The following NSMCE2 variants were observed in gnomAD, a reference collection of about 807,000 sequenced individuals.
NSMCE2 encodes the protein NSE2 SUMO ligase component of SMC5/6 complex.
Under a neutral mutation model 23.8 loss-of-function variants are expected in NSMCE2, and 24 were observed. The ratio of observed to expected loss-of-function variants is 1.01; its 90% CI spans 0.73 to 1.42. NSMCE2 has a LOEUF of 1.42. Among genes scored for constraint, NSMCE2 ranks in the 40% most tolerant of loss-of-function variants. The pLI, the probability that NSMCE2 is intolerant of heterozygous loss-of-function variation, is 0.00. For synonymous variants in NSMCE2, 92 were observed against 94.1 expected, an observed-to-expected ratio of 0.98 and a Z score of 0.13; for missense variants, 284 against 296.5, an observed-to-expected ratio of 0.96 and a Z score of 0.31.
In NSMCE2 at chr8:125,340,011, TG is replaced by T. The variant is rs1303699719; in HGVS notation, c.419-17207del. Reference sequence around the variant, plus strand: ...AGCCTCCGACGTTGTAGTTTTTTTTTGTTTTTTTTTTTTTTTTTTTTGAGAC... The same window carrying T: ...AGCCTCCGACGTTGTAGTTTTTTTTTTTTTTTTTTTTTTTTTTTTTGAGAC... On this transcript the variant is annotated intron_variant, in intron 5 of 7. Coordinates refer to ENST00000287437, the MANE Select transcript of NSMCE2 (RefSeq NM_173685.4). Among the ~76,000 whole-genome samples the T allele has an allele frequency of 3.4e-4, 39 of 114,332 alleles. 1 individual carries two copies. The highest frequency in any genetic ancestry group is 1.3e-3 in the South Asian group (5 of 3,752). 75.0% of individuals were successfully genotyped at this position (114,332 alleles called of 152,430 possible). A position where few individuals can be genotyped will look rare whatever the true frequency, so the allele number is the denominator to read the frequency against.
chr8:125,134,257 T>G (rs1468447288), intron 3 of NSMCE2, among the ~76,000 whole-genome samples: 2 of 152,234 alleles, frequency 1.3e-5, no homozygotes, highest in African/African-American at 2.4e-5. Flanking sequence ...TGAGTCATTA[T>G]GATGAGATTT....
chr8:125,198,029 A>G (rs771038989), intron 5 of NSMCE2, among the ~76,000 whole-genome samples: 13 of 152,160 alleles, frequency 8.5e-5, no homozygotes, highest in Non-Finnish European at 1.6e-4. Flanking sequence ...ATTTTTGCAC[A>G]TTGATTTTGT....
chr8:125,299,992 T>G (rs1176659952), intron 5 of NSMCE2, among the ~76,000 whole-genome samples: 2 of 151,612 alleles, frequency 1.3e-5, no homozygotes, highest in African/African-American at 4.8e-5. Flanking sequence ...CTAATTTTTG[T>G]ATTTTTAGTA....
At chr8:125,359,468 G>C (rs1813435018) in intron 7 of NSMCE2, among the ~76,000 whole-genome samples, 1 of 151,386 alleles carries the variant, frequency 6.6e-6, no homozygotes, top group Non-Finnish European at 1.5e-5. Flanking sequence ...TGAATAGCTG[G>C]TATTACAGGC....
chr8:125,246,971 T>G (rs1826003391), intron 5 of NSMCE2, among the ~76,000 whole-genome samples: 1 of 152,120 alleles, frequency 6.6e-6, no homozygotes, highest in African/African-American at 2.4e-5. Flanking sequence ...GTATACTATA[T>G]AATATTGTTA....
At chr8:125,270,522 G>A (rs1287442033) in intron 5 of NSMCE2, 3 of 152,124 alleles carry the variant, frequency 2.0e-5, no homozygotes, top group South Asian at 4.1e-4. Context: ...TGAAGGCAAT[G>A]GCATGTGTTG....
intron 1 of NSMCE2, among the ~76,000 whole-genome samples, chr8:125,099,349 GAAGT>G (rs1456803773): frequency 6.6e-6 from 1 of 152,142 alleles, no homozygotes; most frequent in African/African-American, 2.4e-5. Context: ...AGACCTTAGA[GAAGT>G]AAGGGAATTG....
intron 4 of NSMCE2, among the ~76,000 whole-genome samples, chr8:125,169,000 C>T (rs1272797218): frequency 6.6e-6 from 1 of 152,164 alleles, no homozygotes; most frequent in Admixed American, 6.5e-5. Context: ...AGTTATGTGA[C>T]TCACCCAGGG....
intron 5 of NSMCE2, among the ~76,000 whole-genome samples, chr8:125,239,922 G>A (rs1325530080): frequency 6.6e-6 from 1 of 152,122 alleles, no homozygotes; most frequent in Non-Finnish European, 1.5e-5. Flanking sequence ...TGAGAAGTAA[G>A]TAAGTGTGTC....
At chr8:125,117,669 C>T (rs772391548) in intron 3 of NSMCE2, among the ~76,000 whole-genome samples, 17 of 152,264 alleles carry the variant, frequency 1.1e-4, no homozygotes, top group Middle Eastern at 3.4e-3. Flanking sequence ...GCGTGCACCA[C>T]GATCCCCAGC....
rs762260459 is a variant in NSMCE2 at position 125,151,239 on chromosome 8, A to T, written c.226A>T (p.Asn76Tyr). The T allele has an allele frequency of 5.0e-6, 8 of 1,605,682 alleles. No homozygotes were observed. The highest frequency in any genetic ancestry group is 6.8e-6 in the Non-Finnish European group (8 of 1,172,866). ...ATTTGCTACATTGGATCGGCAACTAAACCATTATGTAAAGGCTGTTCAATC... is the reference window on the plus strand; with the variant it reads ...ATTTGCTACATTGGATCGGCAACTATACCATTATGTAAAGGCTGTTCAATC... ...VEFATLDRQLNHYVKAVQSTI... is the reference protein window; with the variant it reads ...VEFATLDRQLYHYVKAVQSTI... Residue 76 changes from asparagine (N) to tyrosine (Y), a missense_variant, in exon 4 of 8, where the codon AAC (asparagine) becomes TAC (tyrosine). Around this residue, in one of 2 missense-constraint regions of NSMCE2, gnomAD observed 182 missense variants for 155.5 expected, o/e 1.17. Coordinates refer to ENST00000287437, the MANE Select transcript of NSMCE2 (RefSeq NM_173685.4).
In NSMCE2 at chr8:125,200,360, G is replaced by A. The variant is rs967342024; in HGVS notation, c.418+18104G>A. 5.0e-4 allele frequency among the ~76,000 whole-genome samples: 76 copies of A among 152,242 alleles called. 1 individual carries two copies. The highest frequency in any genetic ancestry group is 1.8e-3 in the African/African-American group (74 of 41,542). ...TGCTTCCTTCAGGAGCTCTTGTAAGGCAGGCCTAGTGGTGACAAAATCTCT... is the reference window on the plus strand; with the variant it reads ...TGCTTCCTTCAGGAGCTCTTGTAAGACAGGCCTAGTGGTGACAAAATCTCT... On this transcript the variant is annotated intron_variant, in intron 5 of 7. Coordinates refer to ENST00000287437, the MANE Select transcript of NSMCE2 (RefSeq NM_173685.4).
At chr8:125,169,593 T>C (rs1169693339) in intron 4 of NSMCE2, among the ~76,000 whole-genome samples, 1 of 152,156 alleles carries the variant, frequency 6.6e-6, no homozygotes, top group Non-Finnish European at 1.5e-5. Context: ...TTTTCCTGCT[T>C]CTCAAATTAA....
chr8:125,192,383 GGT>G (rs1292861314), intron 5 of NSMCE2, among the ~76,000 whole-genome samples: 1 of 150,828 alleles, frequency 6.6e-6, no homozygotes, highest in African/African-American at 2.4e-5. Context: ...CTTAGTGCGT[GGT>G]GTGTTATTGT....
intron 4 of NSMCE2, among the ~76,000 whole-genome samples, chr8:125,153,219 A>G (rs1821136719): frequency 1.3e-5 from 2 of 152,192 alleles, no homozygotes; most frequent in South Asian, 2.1e-4. Flanking sequence ...TCGAACAGGG[A>G]AGATAGATTT....
intron 3 of NSMCE2, among the ~76,000 whole-genome samples, chr8:125,109,964 T>G (rs1476668256): frequency 6.6e-6 from 1 of 152,148 alleles, no homozygotes; most frequent in Non-Finnish European, 1.5e-5. Context: ...GTTTTTGAGT[T>G]TATTATGTAC....
chr8:125,173,928 G>A (rs1822348166), intron 4 of NSMCE2, among the ~76,000 whole-genome samples: 2 of 152,166 alleles, frequency 1.3e-5, no homozygotes, highest in Middle Eastern at 3.4e-3. Flanking sequence ...TGTGAAATTG[G>A]GATAATGATA....
chr8:125,237,465 A>G (rs1825606136), intron 5 of NSMCE2, among the ~76,000 whole-genome samples: 1 of 152,212 alleles, frequency 6.6e-6, no homozygotes, highest in Non-Finnish European at 1.5e-5. Flanking sequence ...GCAAGCATTC[A>G]GTCCACCTGG....
chr8:125,193,821 A>G (rs1377841302), intron 5 of NSMCE2, among the ~76,000 whole-genome samples: 1 of 152,186 alleles, frequency 6.6e-6, no homozygotes, highest in Non-Finnish European at 1.5e-5. Context: ...GTCTCTGCCT[A>G]TCACTGAGAC....
Sources: allele counts gnomAD v4.1 joint callset (sites outside exome capture counted in the v4.1 genomes callset), GRCh38; gene constraint gnomAD v4.1.1; regional missense constraint gnomAD v4.1.1; transcripts MANE v1.5; gene names NCBI Gene and HGNC (gene_info 2026-07-23, HGNC 2026-07-21).